The following CCSER1 variants were observed in gnomAD, a reference collection of about 807,000 sequenced individuals.
CCSER1 encodes the protein serine-rich coiled-coil domain-containing protein 1.
CCSER1 carries 41 observed loss-of-function variants against 82.0 expected under a neutral mutation model. The observed-to-expected ratio is 0.50, with a 90% CI of 0.39 to 0.65. The LOEUF is 0.65. Ranked by LOEUF, CCSER1 falls within the 30% of genes least tolerant of loss-of-function variation. The pLI is 0.00. For missense variants in CCSER1, 1,119 were observed against 1,064.2 expected (o/e 1.05, Z -0.72); for synonymous variants, 414 against 383.9 (o/e 1.08, Z -0.92).
chr4:90,494,248 C>T (rs1768597188), intron 5 of CCSER1, among the ~76,000 whole-genome samples: 1 of 152,156 alleles, frequency 6.6e-6, no homozygotes, highest in African/African-American at 2.4e-5. Flanking sequence ...AATACAGGAG[C>T]ACCCAGATTC....
intron 6 of CCSER1, among the ~76,000 whole-genome samples, chr4:90,648,127 C>T (rs530555779): frequency 1.3e-5 from 2 of 151,428 alleles, no homozygotes; most frequent in East Asian, 1.9e-4. Flanking sequence ...GGCTCCTTAC[C>T]GTAGTTATAG....
intron 8 of CCSER1, among the ~76,000 whole-genome samples, chr4:90,856,367 A>G (rs930561760): frequency 6.6e-6 from 1 of 152,186 alleles, no homozygotes; most frequent in African/African-American, 2.4e-5. Flanking sequence ...CGATGTATCA[A>G]ATTTTTAAAG....
intron 9 of CCSER1, among the ~76,000 whole-genome samples, chr4:91,030,868 G>A (rs770083743): frequency 1.3e-5 from 2 of 151,932 alleles, no homozygotes; most frequent in Non-Finnish European, 2.9e-5. Flanking sequence ...CTACTTTAGG[G>A]TTTATGATCA....
intron 10 of CCSER1, among the ~76,000 whole-genome samples, chr4:91,252,448 A>G (rs1277522999): frequency 2.0e-5 from 3 of 152,186 alleles, no homozygotes; most frequent in African/African-American, 7.2e-5. Context: ...AAAAAGTGGT[A>G]TTATTGTAAC....
intron 10 of CCSER1, among the ~76,000 whole-genome samples, chr4:91,329,874 T>C (rs1746825724): frequency 6.6e-6 from 1 of 152,192 alleles, no homozygotes; most frequent in African/African-American, 2.4e-5. Context: ...TATATTTGGC[T>C]TCTCTCTTTT....
At chr4:91,090,249 G>A (rs1292657028) in intron 10 of CCSER1, among the ~76,000 whole-genome samples, 2 of 152,146 alleles carry the variant, frequency 1.3e-5, no homozygotes, top group Non-Finnish European at 2.9e-5. Context: ...AGGAAGAAAG[G>A]TGGTGTAATA....
At chr4:90,534,191 T>A (rs190731443) in intron 5 of CCSER1, among the ~76,000 whole-genome samples, 1 of 152,162 alleles carries the variant, frequency 6.6e-6, no homozygotes, top group Admixed American at 6.5e-5. Context: ...GAGCAGTGGC[T>A]CAATCTCGGC....
intron 5 of CCSER1, among the ~76,000 whole-genome samples, chr4:90,619,610 T>C (rs895300916): frequency 6.6e-6 from 1 of 152,072 alleles, no homozygotes; most frequent in African/African-American, 2.4e-5. Context: ...GCTCTCAACT[T>C]TCTGTCAGTT....
At chr4:90,814,053 T>C (rs60978566) in intron 7 of CCSER1, among the ~76,000 whole-genome samples, 40,742 of 151,972 alleles carry the variant, frequency 0.27, 5,869 homozygotes, top group African/African-American at 0.38. Flanking sequence ...TAGGCAGAGG[T>C]TCCCAAACCT....
At chr4:90,890,165 T>A (rs531135958) in intron 8 of CCSER1, among the ~76,000 whole-genome samples, 1 of 152,128 alleles carries the variant, frequency 6.6e-6, no homozygotes, top group Non-Finnish European at 1.5e-5. Flanking sequence ...ATTGAGTTAC[T>A]ATTGTAGACA....
chr4:90,936,863 G>A (rs901480975), intron 9 of CCSER1, among the ~76,000 whole-genome samples: 1 of 151,930 alleles, frequency 6.6e-6, no homozygotes, highest in Non-Finnish European at 1.5e-5. Flanking sequence ...AAAGAAAATG[G>A]TTAGTAATAA....
At chr4:91,218,084 A>G (rs1283335570) in intron 10 of CCSER1, among the ~76,000 whole-genome samples, 3 of 152,168 alleles carry the variant, frequency 2.0e-5, no homozygotes, top group Admixed American at 6.5e-5. Context: ...AGGCTCAGGC[A>G]TGGAGGGCTG....
intron 10 of CCSER1, among the ~76,000 whole-genome samples, chr4:91,491,716 T>A (rs993974489): frequency 6.6e-6 from 1 of 152,104 alleles, no homozygotes; most frequent in East Asian, 1.9e-4. Context: ...CTTTGGCCAG[T>A]AGGAGCTGAA....
At chr4:90,474,677 C>T (rs921756067) in intron 5 of CCSER1, among the ~76,000 whole-genome samples, 1 of 152,126 alleles carries the variant, frequency 6.6e-6, no homozygotes, top group South Asian at 2.1e-4. Context: ...TTTATCAGCA[C>T]ATTAGTAAAT....
intron 7 of CCSER1, among the ~76,000 whole-genome samples, chr4:90,812,735 C>T (rs1031590266): frequency 2.0e-5 from 3 of 152,088 alleles, no homozygotes; most frequent in African/African-American, 7.2e-5. Context: ...AACTTAAAAT[C>T]ATGGCGGAAG....
chr4:90,704,641 AGTCC>A (rs1738931999), intron 6 of CCSER1, among the ~76,000 whole-genome samples: 1 of 152,142 alleles, frequency 6.6e-6, no homozygotes. Context: ...CTTTTCACAT[AGTCC>A]CATATTTCTT....
chr4:90,729,604 A>G (rs1009415955), intron 7 of CCSER1, among the ~76,000 whole-genome samples: 4 of 152,188 alleles, frequency 2.6e-5, no homozygotes, highest in African/African-American at 9.6e-5. Flanking sequence ...GGCCGGGCGC[A>G]GTGGCTCACG....
intron 8 of CCSER1, among the ~76,000 whole-genome samples, chr4:90,890,055 T>G (rs1580949647): frequency 6.6e-6 from 1 of 152,142 alleles, no homozygotes; most frequent in South Asian, 2.1e-4. Context: ...GCAAAAATCT[T>G]TCTAGATTTT....
intron 8 of CCSER1, among the ~76,000 whole-genome samples, chr4:90,841,577 CAAAAAAAAAAA>C (rs750390139): frequency 3.9e-5 from 2 of 50,922 alleles, no homozygotes; most frequent in African/African-American, 6.9e-5. Context: ...GACTCTGTCT[CAAAAAAAAAAA>C]AAAAAAAAAA....
Sources: allele counts gnomAD v4.1 joint callset (sites outside exome capture counted in the v4.1 genomes callset), GRCh38; gene constraint gnomAD v4.1.1; transcripts MANE v1.5; gene names NCBI Gene and HGNC (gene_info 2026-07-23, HGNC 2026-07-21).